The following GRAMD2B variants were observed in gnomAD, a reference collection of about 807,000 sequenced individuals.
GRAMD2B encodes GRAM domain-containing protein 2B.
Under a neutral mutation model 59.2 loss-of-function variants are expected in GRAMD2B, and 41 were observed. That is an observed-to-expected ratio of 0.69 (90% CI 0.54 to 0.90). GRAMD2B has a LOEUF of 0.90. Among genes scored for constraint, GRAMD2B ranks in the 40% least tolerant of loss-of-function variants. The probability of loss-of-function intolerance (pLI) is 0.00; values close to 1 mark genes in which losing one functional copy is unlikely to be tolerated. For missense variants in GRAMD2B, 424 were observed against 500.5 expected (o/e 0.85, Z 1.46); for synonymous variants, 161 against 182.7 (o/e 0.88, Z 0.96).
At position 126,480,211 on chromosome 5, in the gene GRAMD2B, C is replaced by G. The variant is rs1771457642; in HGVS notation, c.583-245C>G. On this transcript the variant is annotated intron_variant, in intron 6 of 13. Coordinates refer to ENST00000285689, the MANE Select transcript of GRAMD2B (RefSeq NM_023927.4). ...AGGCTTTTGGAGCCTTCATTTTGCC[C>G]TACATGTATTTATTACTCTTAAATT... The G allele has an allele frequency of 1.4e-5, 6 of 433,956 alleles. No individual in the cohort carries two copies. The Admixed American group carries it at 2.0e-4, about 15-fold the overall frequency. 26.9% of individuals were successfully genotyped at this position (433,956 alleles called of 1,614,324 possible).
chr5:126,437,772 C>G (rs920612566), intron 1 of GRAMD2B, among the ~76,000 whole-genome samples: 14 of 152,230 alleles, frequency 9.2e-5, no homozygotes, highest in Admixed American at 9.2e-4. Flanking sequence ...AGAGCAGCTA[C>G]TAAATTGCCC....
intron 1 of GRAMD2B, among the ~76,000 whole-genome samples, chr5:126,394,564 A>G (rs1757191793): frequency 2.0e-5 from 3 of 152,218 alleles, no homozygotes; most frequent in South Asian, 4.1e-4. Context: ...AATATTCTAC[A>G]TTCCATTTCA....
intron 1 of GRAMD2B, among the ~76,000 whole-genome samples, chr5:126,432,247 T>G (rs1386466869): frequency 6.6e-6 from 1 of 152,214 alleles, no homozygotes; most frequent in Non-Finnish European, 1.5e-5. Flanking sequence ...GATGTTGATC[T>G]GTGTATACAT....
chr5:126,368,084 T>C (rs575540841), upstream of GRAMD2B, among the ~76,000 whole-genome samples: 1 of 152,156 alleles, frequency 6.6e-6, no homozygotes, highest in African/African-American at 2.4e-5. Context: ...TCAATTCCCA[T>C]GGAAGGATAT....
chr5:126,377,916 T>C (rs945305233), intron 1 of GRAMD2B, among the ~76,000 whole-genome samples: 5 of 152,214 alleles, frequency 3.3e-5, no homozygotes, highest in Non-Finnish European at 7.3e-5. Flanking sequence ...TACATAAATA[T>C]ATAAAGTGGT....
At position 126,423,645 on chromosome 5, in the gene GRAMD2B, T is replaced by C. The variant is rs768730752; in HGVS notation, c.39T>C (p.Pro13=). The change falls in exon 1 of 14, where the codon CCT becomes CCC. Residue 13 remains proline (P), a synonymous_variant. Transcript: ENST00000285689. ...AGCAAGATGTGGAAGACACAAAGCC[T>C]GCGAAAGTGCTCGGGAAGAGGGAGA... ...ELQQDVEDTK[P]AKVLGKRESK... is the part of the protein sequence containing the mutation. The C allele has an allele frequency of 6.2e-7, 1 of 1,608,928 alleles. No homozygotes were observed. Among genetic ancestry groups the C allele is most frequent in the East Asian group, 2.3e-5 (1 of 44,398 alleles).
chr5:126,466,434 T>C, intron 2 of GRAMD2B: 1 of 705,248 alleles, frequency 1.4e-6, no homozygotes. Flanking sequence ...TCTCACCTTT[T>C]TTTTTTTTCC....
rs59298192 is a variant in GRAMD2B, at chr5:126,449,720, G to A, written c.84-15706G>A. 2.0e-5 allele frequency among the ~76,000 whole-genome samples: 3 copies of A among 152,094 alleles called. No individual in the cohort carries two copies. In the East Asian group the frequency reaches 5.8e-4, roughly 29 times the overall value. On this transcript the variant is annotated intron_variant, in intron 1 of 13. Coordinates refer to ENST00000285689, the MANE Select transcript of GRAMD2B (RefSeq NM_023927.4). The stretch of plus-strand genomic sequence containing the variant: ...TTTTTTAGAAAAAGAATCCTGAGCT[G>A]TAATAATACTTGGCATTTAAGCAAA...
intron 5 of GRAMD2B, among the ~76,000 whole-genome samples, chr5:126,475,179 G>A (rs1383186615): frequency 6.6e-6 from 1 of 152,208 alleles, no homozygotes; most frequent in East Asian, 1.9e-4. Flanking sequence ...TAGTCAGCCT[G>A]TCGGTATTTT....
At chr5:126,437,689 G>A (rs915456211) in intron 1 of GRAMD2B, among the ~76,000 whole-genome samples, 1 of 152,192 alleles carries the variant, frequency 6.6e-6, no homozygotes, top group Admixed American at 6.5e-5. Context: ...ATAAAACAGA[G>A]GAACAGAATC....
chr5:126,409,476 T>G (rs1363859200), intron 1 of GRAMD2B, among the ~76,000 whole-genome samples: 1 of 152,252 alleles, frequency 6.6e-6, no homozygotes, highest in Non-Finnish European at 1.5e-5. Flanking sequence ...TTTGGCTGCA[T>G]AAACGTCTTC....
intron 1 of GRAMD2B, among the ~76,000 whole-genome samples, chr5:126,379,512 A>T (rs1468464446): frequency 6.6e-6 from 1 of 152,178 alleles, no homozygotes; most frequent in Non-Finnish European, 1.5e-5. Flanking sequence ...ACTGATTTCC[A>T]TTCCCATCAA....
upstream of GRAMD2B, among the ~76,000 whole-genome samples, chr5:126,369,284 GAAT>G (rs1754622110): frequency 6.6e-6 from 1 of 152,048 alleles, no homozygotes; most frequent in Non-Finnish European, 1.5e-5. Context: ...ATGAATGAAT[GAAT>G]GAATGAATGA....
chr5:126,411,685 G>A (rs1295998844), intron 1 of GRAMD2B, among the ~76,000 whole-genome samples: 1 of 151,976 alleles, frequency 6.6e-6, no homozygotes, highest in Non-Finnish European at 1.5e-5. Context: ...TCTGTAGATT[G>A]CGTTGGGTAG....
At chr5:126,391,444 TA>T in intron 1 of GRAMD2B, among the ~76,000 whole-genome samples, 1 of 151,544 alleles carries the variant, frequency 6.6e-6, no homozygotes, top group Middle Eastern at 3.4e-3. Context: ...GTATTATTTA[TA>T]ATGCTGAAAT....
intron 1 of GRAMD2B, among the ~76,000 whole-genome samples, chr5:126,431,006 T>C (rs1761478444): frequency 6.6e-6 from 1 of 152,174 alleles, no homozygotes; most frequent in Non-Finnish European, 1.5e-5. Context: ...AATACATGTA[T>C]AAAGTCAGAA....
chr5:126,479,538 A>C (rs1259306058), intron 6 of GRAMD2B, among the ~76,000 whole-genome samples: 1 of 152,154 alleles, frequency 6.6e-6, no homozygotes, highest in African/African-American at 2.4e-5. Flanking sequence ...TTTTCTTGCT[A>C]CCACCCTGTA....
chr5:126,394,076 C>T (rs1038907059), intron 1 of GRAMD2B, among the ~76,000 whole-genome samples: 6 of 152,138 alleles, frequency 3.9e-5, no homozygotes, highest in Admixed American at 6.5e-5. Context: ...AGATCGAGAC[C>T]ATCCTGGCCA....
intron 1 of GRAMD2B, among the ~76,000 whole-genome samples, chr5:126,405,569 A>G (rs1758195486): frequency 6.6e-6 from 1 of 151,932 alleles, no homozygotes; most frequent in South Asian, 2.1e-4. Context: ...TTAATTGCAT[A>G]TAATCTCAGT....
Sources: gnomAD v4.1 joint callset for allele counts (sites outside exome capture counted in the v4.1 genomes callset) on GRCh38, gnomAD v4.1.1 for gene constraint, MANE v1.5 for transcripts, NCBI Gene and HGNC (gene_info 2026-07-23, HGNC 2026-07-21) for gene names.